The following FBXL13 variants were observed in gnomAD, a reference collection of about 807,000 sequenced individuals.
FBXL13 encodes the protein F-box and leucine rich repeat protein 13, also known as F-box and leucine-rich repeat protein 13.
Under a neutral mutation model 83.6 loss-of-function variants are expected in FBXL13, and 67 were observed. The ratio of observed to expected loss-of-function variants is 0.80; its 90% confidence interval spans 0.66 to 0.98. FBXL13 has a LOEUF of 0.98. Among genes scored for constraint, FBXL13 ranks in the 50% least tolerant of loss-of-function variants. The pLI is 0.00. For synonymous variants in FBXL13, 272 were observed against 299.5 expected (o/e 0.91, Z 0.95); for missense variants, 822 against 866.5 (o/e 0.95, Z 0.64).
chr7:102,953,153 C>A (rs571867785), intron 8 of FBXL13, among the ~76,000 whole-genome samples: 2 of 152,072 alleles, frequency 1.3e-5, no homozygotes, highest in Admixed American at 1.3e-4. Flanking sequence ...CTACCTCATT[C>A]GATGAAGCCA....
At chr7:102,970,555 G>C (rs186904261) in intron 6 of FBXL13, among the ~76,000 whole-genome samples, 1 of 152,152 alleles carries the variant, frequency 6.6e-6, no homozygotes, top group East Asian at 1.9e-4. Context: ...TAAAGAGACA[G>C]ACACAGTCAA....
At chr7:102,905,501 C>G (rs1371762184) in intron 11 of FBXL13, among the ~76,000 whole-genome samples, 2 of 152,044 alleles carry the variant, frequency 1.3e-5, no homozygotes, top group Admixed American at 1.3e-4. Flanking sequence ...CCATGTGTGT[C>G]TTTATAGATG....
At chr7:102,913,267 A>G in intron 10 of FBXL13, 52 bp from the exon 12 acceptor site, 1 of 1,608,512 alleles carries the variant, frequency 6.2e-7, no homozygotes. Context: ...TTGTTCTCTC[A>G]AATCTTTCTT....
chr7:103,020,697 A>G (rs1227326526), intron 6 of FBXL13, among the ~76,000 whole-genome samples: 3 of 152,210 alleles, frequency 2.0e-5, no homozygotes, highest in African/African-American at 7.2e-5. Flanking sequence ...TAATAGACAA[A>G]CAGAGAGCCA....
chr7:103,048,402 T>C (rs1796491399), intron 2 of FBXL13, among the ~76,000 whole-genome samples: 1 of 151,148 alleles, frequency 6.6e-6, no homozygotes, highest in Admixed American at 6.6e-5. Flanking sequence ...TCCTTTCTTT[T>C]TTTTTTTTTT....
intron 19 of FBXL13, among the ~76,000 whole-genome samples, chr7:102,814,782 T>C (rs1283590430): frequency 1.3e-5 from 2 of 152,256 alleles, no homozygotes; most frequent in African/African-American, 4.8e-5. Flanking sequence ...ATGGTAAGTT[T>C]ATTGTCAAAG....
At chr7:102,985,725 C>T (rs774100896) in intron 6 of FBXL13, among the ~76,000 whole-genome samples, 1 of 152,160 alleles carries the variant, frequency 6.6e-6, no homozygotes, top group African/African-American at 2.4e-5. Flanking sequence ...AACATCCAGT[C>T]AGCAGTTCAC....
chr7:103,061,191 T>C (rs1219284361), intron 1 of FBXL13, among the ~76,000 whole-genome samples: 2 of 151,902 alleles, frequency 1.3e-5, no homozygotes, highest in East Asian at 3.9e-4. Flanking sequence ...TTTTTTTGTT[T>C]TTTTCTTTTT....
At position 103,052,513 on chromosome 7, in the gene FBXL13, G is replaced by T. The variant is rs775061828; in HGVS notation, c.-1+3131C>A. Among the ~76,000 whole-genome samples, 5 of 152,148 alleles carry T rather than the reference G, an allele frequency of 3.3e-5. No individual in the cohort carries two copies. The East Asian group carries it at 7.7e-4, about 23-fold the overall frequency. On this transcript the variant is annotated intron_variant, in intron 2 of 19. Transcript: ENST00000313221. The stretch of plus-strand genomic sequence containing the variant: ...AATTAATGTGGATCCAACCTAGGTT[G>T]AGCCCTCTAACAAGCAACCCTAGGA...
chr7:102,857,374 A>G (rs1806184905), intron 16 of FBXL13: 2 of 152,246 alleles, frequency 1.3e-5, no homozygotes, highest in Admixed American at 6.5e-5. Flanking sequence ...AACTCAAACA[A>G]CTCAATAGCA....
At chr7:102,940,975 T>A (rs558023446) in intron 8 of FBXL13, among the ~76,000 whole-genome samples, 13 of 152,332 alleles carry the variant, frequency 8.5e-5, no homozygotes, top group African/African-American at 2.9e-4. Flanking sequence ...TCTAATACCA[T>A]TAATAGAACA....
chr7:102,934,543 G>C, intron 8 of FBXL13: 2 of 1,534,954 alleles, frequency 1.3e-6, no homozygotes, highest in South Asian at 2.2e-5. Context: ...AATCTGAACA[G>C]TTGTGTAATG....
intron 6 of FBXL13, among the ~76,000 whole-genome samples, chr7:102,996,285 T>C (rs1789778788): frequency 6.6e-6 from 1 of 152,206 alleles, no homozygotes; most frequent in South Asian, 2.1e-4. Context: ...GTGGGTGCTG[T>C]GGTTCTTCAG....
intron 6 of FBXL13, among the ~76,000 whole-genome samples, chr7:103,022,804 A>G (rs933533425): frequency 2.0e-5 from 3 of 152,244 alleles, no homozygotes; most frequent in African/African-American, 7.2e-5. Flanking sequence ...CAATTGCAAC[A>G]AAAACAAAAA....
chr7:102,963,788 T>C (rs1825652283), intron 7 of FBXL13, 123 bp from the exon 9 acceptor site: 1 of 904,750 alleles, frequency 1.1e-6, no homozygotes, highest in Admixed American at 3.5e-5. Context: ...CAAAAGAAAC[T>C]ATCAATAGAG....
downstream of FBXL13, among the ~76,000 whole-genome samples, chr7:102,813,009 A>G (rs1485869852): frequency 1.3e-5 from 2 of 151,730 alleles, no homozygotes; most frequent in Non-Finnish European, 2.9e-5. Context: ...CACCCGGCTA[A>G]TTTTTGTATT....
chr7:102,836,446 G>T (rs540502316), intron 17 of FBXL13, among the ~76,000 whole-genome samples: 7 of 152,268 alleles, frequency 4.6e-5, no homozygotes, highest in African/African-American at 7.2e-5. Flanking sequence ...CCCCCCTACA[G>T]ATAAGATTAC....
chr7:102,962,057 A>G (rs1377589189), intron 8 of FBXL13, among the ~76,000 whole-genome samples: 2 of 150,968 alleles, frequency 1.3e-5, no homozygotes, highest in South Asian at 2.1e-4. Context: ...GCAACCTACA[A>G]AATGGGAGAA....
At chr7:103,054,728 C>A (rs1414388779) in intron 2 of FBXL13, among the ~76,000 whole-genome samples, 2 of 152,056 alleles carry the variant, frequency 1.3e-5, no homozygotes, top group Non-Finnish European at 2.9e-5. Context: ...CAGAAGGAAG[C>A]AGATTAGAAA....
Sources: allele counts gnomAD v4.1 joint callset (sites outside exome capture counted in the v4.1 genomes callset), GRCh38; gene constraint gnomAD v4.1.1; transcripts MANE v1.5; gene names NCBI Gene and HGNC (gene_info 2026-07-23, HGNC 2026-07-21).